The following CACNA2D3 variants were observed in gnomAD, a reference collection of about 807,000 sequenced individuals.
CACNA2D3 encodes the protein calcium voltage-gated channel auxiliary subunit alpha2delta 3.
A neutral mutation model predicts 160.6 loss-of-function variants in CACNA2D3; 60 were observed. The ratio of observed to expected loss-of-function variants is 0.37; its 90% CI spans 0.30 to 0.46. CACNA2D3 has a LOEUF of 0.46. Among genes scored for constraint, CACNA2D3 ranks in the 20% least tolerant of loss-of-function variants. CACNA2D3 has a pLI of 1.00. For synonymous variants in CACNA2D3, 558 were observed against 492.9 expected (o/e 1.13, Z -1.75); for missense variants, 1,205 against 1,365.0 (o/e 0.88, Z 1.85).
At position 54,983,671 on chromosome 3, in the gene CACNA2D3, C is replaced by T. The variant is rs1015924075; in HGVS notation, c.2557-937C>T. ...CCATTCTGACCAACTCACTGCTGCC[C>T]TTTTGTGCCTAACCAAAACCACCCC... On this transcript the variant is annotated intron_variant, in intron 29 of 37. Coordinates refer to ENST00000474759, the MANE Select transcript of CACNA2D3 (RefSeq NM_018398.3). Among the ~76,000 whole-genome samples the T allele has an allele frequency of 5.9e-5, 9 of 152,314 alleles. No homozygotes were observed. The East Asian group carries it at 1.7e-3, about 29-fold the overall frequency.
chr3:55,052,390 TA>T (rs1704248082), intron 35 of CACNA2D3, among the ~76,000 whole-genome samples: 1 of 151,810 alleles, frequency 6.6e-6, no homozygotes, highest in Non-Finnish European at 1.5e-5. Context: ...TGAACATATA[TA>T]TACATATATT....
chr3:54,764,384 G>A (rs560927293), intron 13 of CACNA2D3, 33 bp downstream of exon 13: 5 of 1,608,312 alleles, frequency 3.1e-6, no homozygotes, highest in Non-Finnish European at 4.3e-6. Flanking sequence ...AAGAGGCTAA[G>A]CTTTACCCCC....
intron 8 of CACNA2D3, among the ~76,000 whole-genome samples, chr3:54,576,198 C>T (rs1030072393): frequency 6.6e-6 from 1 of 152,170 alleles, no homozygotes; most frequent in Non-Finnish European, 1.5e-5. Flanking sequence ...AGCGGAATTG[C>T]TTTCATCTCT....
At chr3:54,688,272 T>C (rs1287091320) in intron 11 of CACNA2D3, among the ~76,000 whole-genome samples, 1 of 152,204 alleles carries the variant, frequency 6.6e-6, no homozygotes, top group Non-Finnish European at 1.5e-5. Context: ...CCTACTGATA[T>C]TAGCTCAAAT....
At chr3:54,814,776 A>G (rs1311233101) in intron 13 of CACNA2D3, among the ~76,000 whole-genome samples, 4 of 152,142 alleles carry the variant, frequency 2.6e-5, no homozygotes, top group African/African-American at 9.7e-5. Flanking sequence ...TAAATGGATG[A>G]GTCAAAAAGA....
rs781071079 is a variant in CACNA2D3 at position 54,577,281 on chromosome 3, AT to A, written c.889-4519del. ...GTGGCAGATGCCTTCCTGCGTGGGG[AT>A]TTCCCAGTAAGCTGGCTGCACCGTC... On this transcript the variant is annotated intron_variant, in intron 8 of 37. Coordinates refer to ENST00000474759, the MANE Select transcript of CACNA2D3 (RefSeq NM_018398.3). 7.2e-5 allele frequency among the ~76,000 whole-genome samples: 11 copies of A among 152,128 alleles called. No homozygotes were observed. The Middle Eastern group carries it at 0.017, about 237-fold the overall frequency.
intron 13 of CACNA2D3, among the ~76,000 whole-genome samples, chr3:54,803,851 G>A (rs1192442727): frequency 1.3e-5 from 2 of 152,294 alleles, no homozygotes; most frequent in East Asian, 3.9e-4. Context: ...ACTAACAGCG[G>A]ATCTCTCGGC....
At chr3:54,760,347 C>T (rs529884037) in intron 12 of CACNA2D3, among the ~76,000 whole-genome samples, 106 of 152,094 alleles carry the variant, frequency 7.0e-4, no homozygotes, top group African/African-American at 2.4e-3. Context: ...AGGAGGGGAA[C>T]GCAGTTGGCA....
intron 12 of CACNA2D3, among the ~76,000 whole-genome samples, chr3:54,761,958 A>G (rs1324458591): frequency 1.3e-5 from 2 of 152,184 alleles, no homozygotes; most frequent in Non-Finnish European, 2.9e-5. Flanking sequence ...TTAGTCACTA[A>G]GAGATTCTAT....
intron 10 of CACNA2D3, among the ~76,000 whole-genome samples, chr3:54,630,629 A>T (rs6793768): frequency 1.3e-5 from 2 of 152,166 alleles, no homozygotes; most frequent in Admixed American, 1.3e-4. Context: ...CCGTATTAGC[A>T]TCTTGTAGAA....
intron 2 of CACNA2D3, among the ~76,000 whole-genome samples, chr3:54,282,544 T>C (rs935027875): frequency 2.6e-5 from 4 of 152,184 alleles, no homozygotes; most frequent in African/African-American, 9.7e-5. Context: ...GAAGTCTTCA[T>C]GTTACTATCA....
chr3:54,577,579 G>T (rs1416103640), intron 8 of CACNA2D3, among the ~76,000 whole-genome samples: 2 of 152,170 alleles, frequency 1.3e-5, no homozygotes, highest in East Asian at 3.9e-4. Flanking sequence ...TGGGTGCAGG[G>T]TGTCATCTGT....
In CACNA2D3 at chr3:54,503,671, C is replaced by T. The variant is rs761730343; in HGVS notation, c.544+17C>T. 6.2e-7 allele frequency: 1 copy of T among 1,610,794 alleles called. No individual in the cohort carries two copies. The highest frequency in any genetic ancestry group is 1.1e-5 in the South Asian group (1 of 90,940). ...ACAACAAAGGTAAGACTCCCAGCCA[C>T]TGCTCCTTTTAGAAGGTGAAGAATC... is the stretch of plus-strand genomic sequence containing the variant. On this transcript the variant is annotated intron_variant, in intron 5 of 37. Transcript: ENST00000474759.
intron 2 of CACNA2D3, among the ~76,000 whole-genome samples, chr3:54,170,054 G>T (rs1362168077): frequency 6.6e-6 from 1 of 152,008 alleles, no homozygotes; most frequent in Admixed American, 6.6e-5. Context: ...CAGGCGTGGT[G>T]GTGGGCATCT....
Position 54,878,814 on chromosome 3 carries a change from C to G in CACNA2D3, c.1711-204C>G. 3 of 413,012 alleles carry G rather than the reference C, an allele frequency of 7.3e-6. No individual in the cohort carries two copies. The Middle Eastern group carries it at 1.6e-3, about 220-fold the overall frequency. 25.6% of individuals were successfully genotyped at this position (413,012 alleles called of 1,614,324 possible). The stretch of plus-strand genomic sequence containing the variant: ...TGTCCTGAAGTTTACACGAGCTCCC[C>G]AAATTAAAGATGAAGGTCATTTATT... On this transcript the variant is annotated intron_variant, in intron 18 of 37. Transcript: ENST00000474759.
Position 54,493,822 on chromosome 3 carries a change from G to A in CACNA2D3, c.382-9670G>A, listed in dbSNP as rs377400035. 4.6e-5 allele frequency among the ~76,000 whole-genome samples: 7 copies of A among 152,194 alleles called. No individual in the cohort carries two copies. The South Asian group carries it at 8.3e-4, about 18-fold the overall frequency. ...AAATGGCTGGAGCACAGCCAGGCCC[G>A]TTTGTATTATCTATGGCAGCTGTCA... is the stretch of plus-strand genomic sequence containing the variant. On this transcript the variant is annotated intron_variant, in intron 4 of 37. Transcript: ENST00000474759.
At chr3:54,224,313 A>G (rs1209589618) in intron 2 of CACNA2D3, among the ~76,000 whole-genome samples, 1 of 152,152 alleles carries the variant, frequency 6.6e-6, no homozygotes, top group Non-Finnish European at 1.5e-5. Context: ...AGTACACTCT[A>G]AAATAACATT....
rs148890494 is a variant in CACNA2D3, at chr3:54,394,006, T to C, written c.381+7232T>C. ...TGTGTCCATACAGGGTCTAGGATGC[T>C]TCTGTGTCTCACCATCTGGGGGTCC... is the stretch of plus-strand genomic sequence containing the variant. On this transcript the variant is annotated intron_variant, in intron 4 of 37. Transcript: ENST00000474759. Among the ~76,000 whole-genome samples the C allele has an allele frequency of 3.3e-5, 5 of 152,326 alleles. No homozygotes were observed. In the East Asian group the frequency reaches 9.7e-4, roughly 29 times the overall value.
At chr3:54,521,751 G>GA (rs1701649549) in intron 5 of CACNA2D3, among the ~76,000 whole-genome samples, 1 of 152,122 alleles carries the variant, frequency 6.6e-6, no homozygotes, top group South Asian at 2.1e-4. Context: ...TGTGAGGTAA[G>GA]AGTCCAACCT....
Sources: allele counts gnomAD v4.1 joint callset (sites outside exome capture counted in the v4.1 genomes callset), GRCh38; gene constraint gnomAD v4.1.1; transcripts MANE v1.5; gene names NCBI Gene and HGNC (gene_info 2026-07-23, HGNC 2026-07-21).